Variants in SGCD observed in about 807,000 individuals in gnomAD.
SGCD encodes sarcoglycan delta.
In SGCD, 18 loss-of-function variants were observed where a neutral mutation model predicts 36.6. That is an observed-to-expected ratio of 0.49 (90% CI 0.34 to 0.73). The LOEUF (loss-of-function observed/expected upper bound fraction) is 0.73. Ranked by LOEUF, SGCD falls within the 30% of genes least tolerant of loss-of-function variation. The pLI is 0.01. For missense variants in SGCD, 387 were observed against 346.7 expected, an observed-to-expected ratio of 1.12 and a Z score of -0.92; for synonymous variants, 133 against 130.6, an observed-to-expected ratio of 1.02 and a Z score of -0.12.
chr5:156,206,643 C>T (rs1447825152), intron 3 of SGCD, among the ~76,000 whole-genome samples: 1 of 151,764 alleles, frequency 6.6e-6, no homozygotes, highest in Non-Finnish European at 1.5e-5. Flanking sequence ...AAAGTTTTAC[C>T]AAGGCAAGTA....
At chr5:155,992,022 A>T (rs886990445) in intron 1 of SGCD, among the ~76,000 whole-genome samples, 8 of 152,120 alleles carry the variant, frequency 5.3e-5, no homozygotes, top group Non-Finnish European at 7.4e-5. Context: ...TTCCTCCCTT[A>T]TGGTTGAATC....
At chr5:156,555,670 T>A (rs1157125378) in intron 4 of SGCD, among the ~76,000 whole-genome samples, 1 of 148,464 alleles carries the variant, frequency 6.7e-6, no homozygotes, top group Non-Finnish European at 1.5e-5. Context: ...ACAAATTTGT[T>A]CTTTTTTTTT....
At chr5:156,276,199 T>A (rs1766314019) in intron 3 of SGCD, among the ~76,000 whole-genome samples, 1 of 152,178 alleles carries the variant, frequency 6.6e-6, no homozygotes, top group Non-Finnish European at 1.5e-5. Context: ...GCAATTAAGA[T>A]GTGTCCCTGT....
intron 3 of SGCD, among the ~76,000 whole-genome samples, chr5:156,377,796 GT>G (rs1209633134): frequency 6.6e-6 from 1 of 152,072 alleles, no homozygotes; most frequent in Non-Finnish European, 1.5e-5. Context: ...AGTTAATTAT[GT>G]TGTTTCTGGT....
chr5:156,222,971 C>G (rs1764755262), intron 3 of SGCD, among the ~76,000 whole-genome samples: 1 of 152,044 alleles, frequency 6.6e-6, no homozygotes, highest in Admixed American at 6.6e-5. Context: ...ATGCACCTCC[C>G]TGGTACATTG....
At chr5:156,119,422 C>T (rs1368148272) in intron 2 of SGCD, among the ~76,000 whole-genome samples, 1 of 152,038 alleles carries the variant, frequency 6.6e-6, no homozygotes, top group Admixed American at 6.6e-5. Context: ...TCCTTCTATG[C>T]AAATAGAGTA....
At chr5:156,348,363 G>T (rs1290368029) in intron 3 of SGCD, among the ~76,000 whole-genome samples, 1 of 151,974 alleles carries the variant, frequency 6.6e-6, no homozygotes, top group Non-Finnish European at 1.5e-5. Flanking sequence ...AACTCTAAAG[G>T]CTCCTCCAAA....
intron 3 of SGCD, among the ~76,000 whole-genome samples, chr5:156,365,084 C>G (rs1430683299): frequency 6.6e-6 from 1 of 152,130 alleles, no homozygotes; most frequent in Non-Finnish European, 1.5e-5. Flanking sequence ...ATGTGCAACT[C>G]AATTTAAAAA....
intron 3 of SGCD, among the ~76,000 whole-genome samples, chr5:156,190,671 G>A (rs13152921): frequency 0.018 from 2,686 of 152,078 alleles, 49 homozygotes; most frequent in Non-Finnish European, 0.024. Context: ...AATAATAATC[G>A]TAATTACTAA....
chr5:156,282,912 A>T (rs1766489788), intron 3 of SGCD, among the ~76,000 whole-genome samples: 2 of 152,314 alleles, frequency 1.3e-5, no homozygotes, highest in Admixed American at 6.5e-5. Context: ...ACTGGTAAAT[A>T]TCTTAAGTAA....
intron 3 of SGCD, among the ~76,000 whole-genome samples, chr5:156,241,149 TCTG>T (rs1188026250): frequency 6.6e-6 from 1 of 152,132 alleles, no homozygotes; most frequent in Non-Finnish European, 1.5e-5. Context: ...GAAATTGAGA[TCTG>T]CTGAAAGTCT....
chr5:155,893,562 A>G (rs1352704514), intron 1 of SGCD, among the ~76,000 whole-genome samples: 1 of 152,200 alleles, frequency 6.6e-6, no homozygotes, highest in African/African-American at 2.4e-5. Context: ...TATCCTAGAG[A>G]GGCATAATGA....
chr5:156,580,474 G>T (rs1300781350), intron 4 of SGCD, among the ~76,000 whole-genome samples: 1 of 152,114 alleles, frequency 6.6e-6, no homozygotes, highest in African/African-American at 2.4e-5. Context: ...TGCTAGGTTG[G>T]GGAACACTCC....
chr5:156,669,157 G>A (rs1753188556), intron 7 of SGCD, among the ~76,000 whole-genome samples: 1 of 152,088 alleles, frequency 6.6e-6, no homozygotes, highest in South Asian at 2.1e-4. Context: ...CTTGTGGGTG[G>A]AGTGGGAGGC....
intron 3 of SGCD, among the ~76,000 whole-genome samples, chr5:156,435,100 G>T (rs571721788): frequency 5.4e-4 from 83 of 152,320 alleles, no homozygotes; most frequent in African/African-American, 2.0e-3. Flanking sequence ...ATCCCCAGAG[G>T]ATTAATTAAT....
chr5:156,432,555 A>G (rs1045533051), intron 3 of SGCD, among the ~76,000 whole-genome samples: 1 of 152,162 alleles, frequency 6.6e-6, no homozygotes, highest in African/African-American at 2.4e-5. Context: ...TTAAGCTACC[A>G]GGGCAGGTAG....
chr5:156,471,661 A>G (rs1237596798), intron 3 of SGCD, among the ~76,000 whole-genome samples: 2 of 152,150 alleles, frequency 1.3e-5, no homozygotes, highest in Non-Finnish European at 2.9e-5. Context: ...AATAGTTCAT[A>G]TACTAAAATA....
At chr5:156,291,506 C>A (rs527320067) in intron 3 of SGCD, among the ~76,000 whole-genome samples, 1 of 152,192 alleles carries the variant, frequency 6.6e-6, no homozygotes, top group South Asian at 2.1e-4. Context: ...GTTTTATCAA[C>A]CGTTAGTCTA....
chr5:156,723,457 A>G (rs1009062988), intron 7 of SGCD, among the ~76,000 whole-genome samples: 1 of 152,244 alleles, frequency 6.6e-6, no homozygotes, highest in Non-Finnish European at 1.5e-5. Context: ...AACAATAGGA[A>G]AAAACATTCC....
Sources: gnomAD v4.1 joint callset for allele counts (sites outside exome capture counted in the v4.1 genomes callset) on GRCh38, gnomAD v4.1.1 for gene constraint, MANE v1.5 for transcripts, NCBI Gene and HGNC (gene_info 2026-07-23, HGNC 2026-07-21) for gene names.